The following FGF14 variants were observed in gnomAD, a reference collection of about 807,000 sequenced individuals.
FGF14 encodes fibroblast growth factor 14.
FGF14 carries 5 observed loss-of-function variants against 25.5 expected under a neutral mutation model. That is an observed-to-expected ratio of 0.20 (90% confidence interval 0.10 to 0.41). FGF14 has a LOEUF of 0.41. FGF14 is among the 10% of genes least tolerant of loss of function. The pLI, the probability that FGF14 is intolerant of heterozygous loss-of-function variation, is 1.00. For synonymous variants in FGF14, 138 were observed against 118.3 expected, an observed-to-expected ratio of 1.17 and a Z score of -1.08; for missense variants, 222 against 320.1, an observed-to-expected ratio of 0.69 and a Z score of 2.34.
intron 1 of FGF14, among the ~76,000 whole-genome samples, chr13:102,280,694 G>A (rs1294523136): frequency 1.3e-5 from 2 of 152,124 alleles, no homozygotes; most frequent in Non-Finnish European, 2.9e-5. Context: ...GGTGGTTTTT[G>A]TTTTATTTTG....
chr13:102,087,575 C>CT (rs1166446102), intron 1 of FGF14, among the ~76,000 whole-genome samples: 12,773 of 79,646 alleles, frequency 0.16, 1,553 homozygotes, highest in Non-Finnish European at 0.18. Flanking sequence ...CCATGCCTGG[C>CT]TTTTTTTTTT....
At chr13:101,955,330 A>G (rs762541713) in intron 1 of FGF14, among the ~76,000 whole-genome samples, 11 of 152,374 alleles carry the variant, frequency 7.2e-5, no homozygotes, top group Non-Finnish European at 1.2e-4. Context: ...TGTGGCTTCA[A>G]TGATTCTCAC....
chr13:102,182,032 G>T (rs1273754192), intron 1 of FGF14, among the ~76,000 whole-genome samples: 5 of 152,078 alleles, frequency 3.3e-5, no homozygotes, highest in African/African-American at 9.7e-5. Context: ...CACCCATTTT[G>T]TGGTACTTTG....
intron 1 of FGF14, among the ~76,000 whole-genome samples, chr13:102,250,400 T>C (rs547423407): frequency 6.6e-6 from 1 of 152,276 alleles, no homozygotes; most frequent in East Asian, 1.9e-4. Flanking sequence ...ATTAAGTCTG[T>C]TTTTATAGCA....
intron 3 of FGF14, among the ~76,000 whole-genome samples, chr13:101,851,471 C>T (rs1021309683): frequency 1.3e-5 from 2 of 151,982 alleles, no homozygotes; most frequent in Non-Finnish European, 2.9e-5. Context: ...ACTTTGTTAC[C>T]GCAGTCCTAG....
rs2476226 is a variant in FGF14, at chr13:101,916,891, C to G, written c.-246G>C. Among the ~76,000 whole-genome samples the G allele has an allele frequency of 1, 152,163 of 152,180 alleles. 76,073 individuals carry two copies. Among genetic ancestry groups the G allele is most frequent in the Middle Eastern group, 1 (292 of 292 alleles). On this transcript the variant is annotated 5_prime_UTR_variant, in exon 1 of 5. Transcript: ENST00000376143. ...AGCCGGACGATCCCGGGAAGCCGGA[C>G]GTCGTGGCCGCCGCCGCTTGGCCAC...
chr13:102,297,864 T>G (rs374162630), intron 1 of FGF14, among the ~76,000 whole-genome samples: 4 of 152,020 alleles, frequency 2.6e-5, no homozygotes, highest in African/African-American at 9.7e-5. Flanking sequence ...CCAAAACTAT[T>G]TTTTATCTCT....
intron 1 of FGF14, among the ~76,000 whole-genome samples, chr13:102,005,045 G>A (rs1401573378): frequency 6.6e-6 from 1 of 152,158 alleles, no homozygotes; most frequent in African/African-American, 2.4e-5. Flanking sequence ...TTTATGTGGA[G>A]GCATCAATTC....
chr13:101,952,997 G>T (rs1258848555), intron 1 of FGF14, among the ~76,000 whole-genome samples: 1 of 151,954 alleles, frequency 6.6e-6, no homozygotes, highest in Admixed American at 6.6e-5. Context: ...TTGCACCACT[G>T]CACTCCAACC....
At chr13:101,804,162 G>A (rs565174449) in intron 3 of FGF14, among the ~76,000 whole-genome samples, 2 of 152,262 alleles carry the variant, frequency 1.3e-5, no homozygotes, top group African/African-American at 2.4e-5. Context: ...AGTTAGATGC[G>A]ATGAGCATTT....
At chr13:102,364,266 C>G (rs907433919) in intron 1 of FGF14, among the ~76,000 whole-genome samples, 3 of 152,230 alleles carry the variant, frequency 2.0e-5, no homozygotes, top group Non-Finnish European at 4.4e-5. Flanking sequence ...TGTTTCCAGG[C>G]ACCACGCTTG....
chr13:102,187,285 C>T (rs2048915930), intron 1 of FGF14, among the ~76,000 whole-genome samples: 1 of 152,168 alleles, frequency 6.6e-6, no homozygotes, highest in African/African-American at 2.4e-5. Flanking sequence ...AGTATAATTA[C>T]AAAATTGATT....
At position 101,712,046 on chromosome 13, in the gene FGF14, A is replaced by T. The variant is rs2034493655; in HGVS notation, c.*10785T>A. The T allele has an allele frequency of 6.6e-6, 1 of 152,192 alleles. No homozygotes were observed. Among genetic ancestry groups the T allele is most frequent in the African/African-American group, 2.4e-5 (1 of 41,434 alleles). The allele number at this position is 152,192 out of a possible 1,614,324, so 9.4% of individuals were successfully genotyped here. A position where few individuals can be genotyped will look rare whatever the true frequency, so the allele number is the denominator to read the frequency against. On this transcript the variant is annotated 3_prime_UTR_variant, in exon 5 of 5. Transcript: ENST00000376143. ...TGTGCTTCCCATTTAAGAGAGGCAC[A>T]ATTTGACCCATGTTATGGAAGAAAA...
At chr13:101,813,300 A>G (rs1407475307) in intron 3 of FGF14, among the ~76,000 whole-genome samples, 1 of 152,126 alleles carries the variant, frequency 6.6e-6, no homozygotes, top group Non-Finnish European at 1.5e-5. Context: ...CCAATGTGAT[A>G]GTTTTAAAAG....
chr13:102,212,736 T>C (rs1458168115), intron 1 of FGF14, among the ~76,000 whole-genome samples: 1 of 152,184 alleles, frequency 6.6e-6, no homozygotes, highest in Non-Finnish European at 1.5e-5. Flanking sequence ...AATAACTCTC[T>C]ACCTCTTCAA....
At chr13:101,946,550 A>C (rs933814189) in intron 1 of FGF14, among the ~76,000 whole-genome samples, 8 of 152,114 alleles carry the variant, frequency 5.3e-5, no homozygotes, top group Non-Finnish European at 1.2e-4. Context: ...ATGTTCTCAA[A>C]TATCACCCTT....
chr13:102,071,827 T>G (rs2043166338), intron 1 of FGF14, among the ~76,000 whole-genome samples: 1 of 152,168 alleles, frequency 6.6e-6, no homozygotes, highest in African/African-American at 2.4e-5. Context: ...GCAATCGGAA[T>G]AGGAGGAAGT....
In FGF14 at chr13:102,355,035, A is replaced by G. The variant is rs16960088; in HGVS notation, c.208+46436T>C. ...GCCCATTTCACACTGTCATGGAACT[A>G]TTTGCCTTTGTGACAGTCTTCAGGG... On this transcript the variant is annotated intron_variant, in intron 1 of 4. Coordinates refer to the FGF14 transcript ENST00000376131. Among the ~76,000 whole-genome samples, 1,441 of 152,136 alleles carry G rather than the reference A, an allele frequency of 9.5e-3. 23 individuals are homozygous for G. Among genetic ancestry groups the G allele is most frequent in the African/African-American group, 0.032 (1,335 of 41,504 alleles).
chr13:102,097,193 A>G (rs1343388128), intron 1 of FGF14, among the ~76,000 whole-genome samples: 2 of 152,246 alleles, frequency 1.3e-5, no homozygotes, highest in Non-Finnish European at 2.9e-5. Context: ...TGACTATGTT[A>G]AAACTCTAAT....
Sources: allele counts gnomAD v4.1 joint callset (sites outside exome capture counted in the v4.1 genomes callset), GRCh38; gene constraint gnomAD v4.1.1; transcripts MANE v1.5; gene names NCBI Gene and HGNC (gene_info 2026-07-23, HGNC 2026-07-21).